ACAT2: variants seen among roughly 807,000 people sequenced by gnomAD.
The protein encoded by ACAT2 is acetyl-CoA acetyltransferase 2, also known as acetyl-CoA acetyltransferase, cytosolic.
ACAT2 carries 26 observed loss-of-function variants against 37.1 expected under a neutral mutation model. The ratio of observed to expected loss-of-function variants is 0.70; its 90% CI spans 0.51 to 0.97. ACAT2 has a LOEUF of 0.97. ACAT2 is among the 50% of genes least tolerant of loss of function. The pLI, the probability that ACAT2 is intolerant of heterozygous loss-of-function variation, is 0.00. For synonymous variants in ACAT2, 156 were observed against 163.6 expected, an observed-to-expected ratio of 0.95 and a Z score of 0.35; for missense variants, 468 against 489.0, an observed-to-expected ratio of 0.96 and a Z score of 0.40.
chr6:159,771,761 A>G (rs538117784), intron 4 of ACAT2, among the ~76,000 whole-genome samples: 5 of 152,062 alleles, frequency 3.3e-5, no homozygotes, highest in African/African-American at 9.7e-5. Context: ...GCATGGTGGT[A>G]TGTGCCTGTA....
intron 1 of ACAT2, 66 bp from the exon 2 acceptor site, chr6:159,762,853 C>A: frequency 6.3e-7 from 1 of 1,597,222 alleles, no homozygotes; most frequent in Non-Finnish European, 8.5e-7. Context: ...GGCTCCCCTG[C>A]TCGTAGGTGG....
chr6:159,778,309 T>C (rs767945668), intron 8 of ACAT2, 29 bp downstream of exon 8: 2 of 1,473,410 alleles, frequency 1.4e-6, no homozygotes, highest in South Asian at 1.2e-5. Flanking sequence ...CCCTGAGAGC[T>C]TACCAGTGAA....
At chr6:159,770,813 C>T (rs1780323290) in intron 4 of ACAT2, among the ~76,000 whole-genome samples, 1 of 152,120 alleles carries the variant, frequency 6.6e-6, no homozygotes, top group Admixed American at 6.5e-5. Context: ...GCTTGTAATC[C>T]CAGCACTTTG....
intron 4 of ACAT2, among the ~76,000 whole-genome samples, chr6:159,773,623 ATAAG>A (rs1780371963): frequency 6.6e-6 from 1 of 152,186 alleles, no homozygotes. Flanking sequence ...CAGCGTGCAA[ATAAG>A]TTATGATAGT....
intron 2 of ACAT2, among the ~76,000 whole-genome samples, chr6:159,764,162 C>T (rs1475450810): frequency 2.0e-5 from 3 of 152,094 alleles, no homozygotes; most frequent in Non-Finnish European, 4.4e-5. Context: ...AGTATGCCTG[C>T]TCCTCCTTAC....
At chr6:159,763,338 A>G (rs1363463392) in intron 2 of ACAT2, among the ~76,000 whole-genome samples, 2 of 151,736 alleles carry the variant, frequency 1.3e-5, no homozygotes, top group Non-Finnish European at 2.9e-5. Context: ...GGATCACTTG[A>G]GTCCAGAAGT....
intron 2 of ACAT2, 52 bp from the exon 3 acceptor site, chr6:159,766,953 C>A (rs1174525162): frequency 6.2e-7 from 1 of 1,603,660 alleles, no homozygotes; most frequent in Non-Finnish European, 8.5e-7. Context: ...TTCACTGTGA[C>A]ATTTTGTCTT....
chr6:159,768,757 G>A, intron 4 of ACAT2, 129 bp downstream of exon 4: 1 of 541,154 alleles, frequency 1.8e-6, no homozygotes, highest in Non-Finnish European at 3.3e-6. Context: ...TCTCTTCTTT[G>A]ATTAACTGAA....
At chr6:159,764,789 C>T (rs1326028766) in intron 2 of ACAT2, among the ~76,000 whole-genome samples, 1 of 152,208 alleles carries the variant, frequency 6.6e-6, no homozygotes, top group Non-Finnish European at 1.5e-5. Context: ...GCTTTCCTTT[C>T]ATTACCTCAT....
chr6:159,773,095 C>T (rs529463190), intron 4 of ACAT2, among the ~76,000 whole-genome samples: 2 of 152,166 alleles, frequency 1.3e-5, no homozygotes, highest in Admixed American at 6.5e-5. Context: ...CTCAAGGGAT[C>T]CTCCCACCTC....
intron 5 of ACAT2, 87 bp from the exon 6 acceptor site, chr6:159,776,063 A>C (rs932427448): frequency 6.9e-7 from 1 of 1,449,906 alleles, no homozygotes; most frequent in Non-Finnish European, 9.4e-7. Flanking sequence ...ATGAATCCTC[A>C]TGTTTAATGG....
At chr6:159,776,125 G>A in intron 5 of ACAT2, 25 bp from the exon 6 acceptor site, 1 of 1,611,430 alleles carries the variant, frequency 6.2e-7, no homozygotes, top group Non-Finnish European at 8.5e-7. Flanking sequence ...GACTAATCTT[G>A]AGTAATTGGT....
At chr6:159,765,548 A>G (rs985831520) in intron 2 of ACAT2, among the ~76,000 whole-genome samples, 3 of 150,604 alleles carry the variant, frequency 2.0e-5, no homozygotes, top group Admixed American at 6.6e-5. Flanking sequence ...TCCTGCCTCA[A>G]CCTCCTGAGT....
At chr6:159,767,554 G>T (rs187954216) in intron 3 of ACAT2, among the ~76,000 whole-genome samples, 1 of 152,210 alleles carries the variant, frequency 6.6e-6, no homozygotes, top group East Asian at 1.9e-4. Flanking sequence ...TCCTGCACAT[G>T]ACAAGGAGAT....
chr6:159,776,483 T>C (rs1409675144), intron 6 of ACAT2, among the ~76,000 whole-genome samples: 1 of 152,180 alleles, frequency 6.6e-6, no homozygotes, highest in Non-Finnish European at 1.5e-5. Flanking sequence ...ACCTCCCAAG[T>C]AGCTGGGGGA....
chr6:159,767,244 A>G (rs759740848), intron 3 of ACAT2, 58 bp downstream of exon 3: 12 of 1,567,028 alleles, frequency 7.7e-6, no homozygotes, highest in Non-Finnish European at 1.1e-5. Context: ...ACTCATGTCT[A>G]TGCCAGAACA....
chr6:159,769,456 T>A (rs751261007), intron 4 of ACAT2, among the ~76,000 whole-genome samples: 11 of 152,200 alleles, frequency 7.2e-5, no homozygotes, highest in Non-Finnish European at 1.3e-4. Flanking sequence ...GTGGATTGAA[T>A]GGTACTCTTC....
intron 2 of ACAT2, among the ~76,000 whole-genome samples, chr6:159,764,078 C>G (rs1347813342): frequency 6.6e-6 from 1 of 151,952 alleles, no homozygotes; most frequent in African/African-American, 2.4e-5. Flanking sequence ...TCCATTCAGC[C>G]TGGGCAACAG....
At chr6:159,764,474 C>T (rs1392021027) in intron 2 of ACAT2, among the ~76,000 whole-genome samples, 1 of 152,122 alleles carries the variant, frequency 6.6e-6, no homozygotes, top group Non-Finnish European at 1.5e-5. Flanking sequence ...GGGTCTCACT[C>T]TGTTGTCCAG....
Sources: gnomAD v4.1 joint callset for allele counts (sites outside exome capture counted in the v4.1 genomes callset) on GRCh38, gnomAD v4.1.1 for gene constraint, MANE v1.5 for transcripts, NCBI Gene and HGNC (gene_info 2026-07-23, HGNC 2026-07-21) for gene names.